Variants in ARAP2 observed in about 807,000 individuals in gnomAD.
The protein encoded by ARAP2 is ArfGAP with RhoGAP domain, ankyrin repeat and PH domain 2, also known as arf-GAP with Rho-GAP domain, ANK repeat and PH domain-containing protein 2.
A neutral mutation model predicts 194.5 loss-of-function variants in ARAP2; 148 were observed. The observed-to-expected ratio is 0.76, with a 90% CI of 0.67 to 0.87. The LOEUF (loss-of-function observed/expected upper bound fraction) is 0.87, where lower values mean the gene tolerates loss of function less well. ARAP2 is among the 40% of genes least tolerant of loss of function. The pLI is 0.00. For synonymous variants in ARAP2, 695 were observed against 683.5 expected, an observed-to-expected ratio of 1.02 and a Z score of -0.26; for missense variants, 2,128 against 1,989.7, an observed-to-expected ratio of 1.07 and a Z score of -1.32.
At chr4:36,064,000 G>C (rs1475525053), downstream of ARAP2, among the ~76,000 whole-genome samples, 1 of 152,052 alleles carries the variant, frequency 6.6e-6, no homozygotes, top group African/African-American at 2.4e-5. Context: ...AGCTAATATA[G>C]TTACGTTCAT....
chr4:36,018,750 T>C (rs1716348232), intron 6 of ARAP2, among the ~76,000 whole-genome samples: 1 of 152,202 alleles, frequency 6.6e-6, no homozygotes, highest in Non-Finnish European at 1.5e-5. Context: ...TGCAGCTAAA[T>C]GTGGCTAAGT....
intron 8 of ARAP2, among the ~76,000 whole-genome samples, chr4:36,185,523 C>T (rs995690978): frequency 2.0e-5 from 3 of 151,950 alleles, no homozygotes; most frequent in Non-Finnish European, 2.9e-5. Context: ...ACAATGGAAA[C>T]GTTTTAGTAG....
chr4:36,071,751 C>A (rs972723910), intron 32 of ARAP2, among the ~76,000 whole-genome samples: 17 of 146,210 alleles, frequency 1.2e-4, no homozygotes, highest in African/African-American at 3.5e-4. Context: ...GCACATTGTG[C>A]AGGTTAGTTA....
chr4:36,134,928 T>G (rs530412892), intron 19 of ARAP2, among the ~76,000 whole-genome samples: 2 of 151,884 alleles, frequency 1.3e-5, no homozygotes, highest in South Asian at 4.1e-4. Flanking sequence ...GGCTTTGTCC[T>G]GCATCATATC....
chr4:36,232,272 C>T (rs1751629420), intron 1 of ARAP2, among the ~76,000 whole-genome samples: 1 of 152,224 alleles, frequency 6.6e-6, no homozygotes, highest in African/African-American at 2.4e-5. Flanking sequence ...GCATGGATTA[C>T]TGCAATCGTC....
chr4:36,111,447 T>C lies in ARAP2; in HGVS notation c.4156+2723A>G, dbSNP rs142074094. 2.7e-3 allele frequency among the ~76,000 whole-genome samples: 408 copies of C among 152,102 alleles called. 1 individual carries two copies. The highest frequency in any genetic ancestry group is 3.7e-3 in the Non-Finnish European group (251 of 67,950). On this transcript the variant is annotated intron_variant, in intron 26 of 32. Coordinates refer to ENST00000303965, the MANE Select transcript of ARAP2 (RefSeq NM_015230.4). Reference sequence around the variant, plus strand: ...TTTCCCTTACTGCAATTTCTACTTGTACAGTTGACAAAACATTAAGACCAT... The same window carrying C: ...TTTCCCTTACTGCAATTTCTACTTGCACAGTTGACAAAACATTAAGACCAT...
chr4:36,010,333 C>T (rs1434221552), intron 9 of ARAP2, among the ~76,000 whole-genome samples: 1 of 151,750 alleles, frequency 6.6e-6, no homozygotes, highest in Non-Finnish European at 1.5e-5. Flanking sequence ...TAAAGAAAGG[C>T]TAGAAAGAAA....
chr4:36,065,518 G>T (rs972746187), downstream of ARAP2: 2 of 285,712 alleles, frequency 7.0e-6, no homozygotes, highest in Non-Finnish European at 1.5e-5. Context: ...GTCAATGCAG[G>T]GCAGGCAGTA....
At chr4:36,025,843 G>A (rs1717811882) in intron 5 of ARAP2, among the ~76,000 whole-genome samples, 1 of 152,006 alleles carries the variant, frequency 6.6e-6, no homozygotes, top group Non-Finnish European at 1.5e-5. Flanking sequence ...GGTCTTAAAT[G>A]TTCATGATTT....
At chr4:36,019,096 T>A (rs1716426557) in intron 6 of ARAP2, 1 of 149,656 alleles carries the variant, frequency 6.7e-6, no homozygotes, top group Non-Finnish European at 1.5e-5. Flanking sequence ...ATACTTTGCA[T>A]ATATATTTAA....
Position 36,214,491 on chromosome 4 carries a change from A to G in ARAP2, c.906-11T>C. 1 of 1,586,300 alleles carries G rather than the reference A, an allele frequency of 6.3e-7. No homozygotes were observed. On this transcript the variant is annotated splice_polypyrimidine_tract_variant and intron_variant, in intron 2 of 32. Coordinates refer to ENST00000303965, the MANE Select transcript of ARAP2 (RefSeq NM_015230.4). ...CTTTCACGGAAATAGCTTAAAAAGC[A>G]AAGGAGAAAATACTTATGAGTGAAA...
At chr4:36,207,239 T>C (rs1418425118) in intron 6 of ARAP2, among the ~76,000 whole-genome samples, 1 of 152,232 alleles carries the variant, frequency 6.6e-6, no homozygotes, top group Non-Finnish European at 1.5e-5. Flanking sequence ...TATTTACAGC[T>C]GCGAAAAAGT....
intron 27 of ARAP2, among the ~76,000 whole-genome samples, chr4:36,104,462 T>C (rs1717849778): frequency 6.6e-6 from 1 of 151,958 alleles, no homozygotes; most frequent in South Asian, 2.1e-4. Flanking sequence ...TAGGTAGTCG[T>C]TGTGATTGAC....
At position 36,210,386 on chromosome 4, in the gene ARAP2, A is replaced by G; in HGVS notation, c.1487+4T>C. 1 of 1,599,466 alleles carries G rather than the reference A, an allele frequency of 6.3e-7. No homozygotes were observed. On this transcript the variant is annotated splice_donor_region_variant and intron_variant, in intron 6 of 32. Coordinates refer to ENST00000303965, the MANE Select transcript of ARAP2 (RefSeq NM_015230.4). ...ACTTATGAAATAAATGCATACGTAC[A>G]TACCCTTGAGGAGAGAGTTTATCCA...
intron 14 of ARAP2, 81 bp downstream of exon 14, chr4:36,159,250 T>A: frequency 7.6e-7 from 1 of 1,316,674 alleles, no homozygotes; most frequent in Non-Finnish European, 1.0e-6. Context: ...TTCTCTTATT[T>A]GAAAAATCAA....
At chr4:36,081,847 A>G (rs966198049) in intron 30 of ARAP2, among the ~76,000 whole-genome samples, 2 of 152,102 alleles carry the variant, frequency 1.3e-5, no homozygotes, top group Admixed American at 1.3e-4. Flanking sequence ...CTCTAGAAAT[A>G]CTGATGGATA....
At chr4:36,214,598 G>C in intron 2 of ARAP2, 118 bp from the exon 3 acceptor site, 2 of 587,964 alleles carry the variant, frequency 3.4e-6, no homozygotes, top group Non-Finnish European at 5.3e-6. Context: ...TTAAGTGAAG[G>C]ATTTATTAGA....
chr4:36,048,723 C>T (rs1424664606), intron 3 of ARAP2, among the ~76,000 whole-genome samples: 4 of 151,930 alleles, frequency 2.6e-5, no homozygotes, highest in African/African-American at 9.7e-5. Context: ...GGGTATATAG[C>T]CAGCAATGGG....
At chr4:36,222,604 G>A (rs533440926) in intron 2 of ARAP2, among the ~76,000 whole-genome samples, 2 of 152,026 alleles carry the variant, frequency 1.3e-5, no homozygotes, top group East Asian at 1.9e-4. Context: ...AAGCATGCAC[G>A]AGTAGGATAA....
Sources: allele counts gnomAD v4.1 joint callset (sites outside exome capture counted in the v4.1 genomes callset), GRCh38; gene constraint gnomAD v4.1.1; transcripts MANE v1.5; gene names NCBI Gene and HGNC (gene_info 2026-07-23, HGNC 2026-07-21).